RPS6KA5: variants seen among roughly 807,000 people sequenced by gnomAD.
RPS6KA5 encodes the protein ribosomal protein S6 kinase A5.
A neutral mutation model predicts 85.5 loss-of-function variants in RPS6KA5; 27 were observed. The observed-to-expected ratio is 0.32, with a 90% confidence interval of 0.23 to 0.44. The LOEUF (loss-of-function observed/expected upper bound fraction) is 0.44. Ranked by LOEUF, RPS6KA5 falls within the 20% of genes least tolerant of loss-of-function variation. RPS6KA5 has a pLI of 1.00. For synonymous variants in RPS6KA5, 334 were observed against 348.2 expected (o/e 0.96, Z 0.46); for missense variants, 811 against 980.9 (o/e 0.83, Z 2.31).
intron 3 of RPS6KA5, among the ~76,000 whole-genome samples, chr14:90,954,507 G>A (rs568992343): frequency 6.6e-5 from 10 of 152,236 alleles, no homozygotes; most frequent in South Asian, 2.1e-4. Flanking sequence ...TCCGCCTCCC[G>A]GGTTCAAGTG....
At chr14:90,962,133 T>C (rs942389466) in intron 3 of RPS6KA5, among the ~76,000 whole-genome samples, 6 of 152,192 alleles carry the variant, frequency 3.9e-5, no homozygotes, top group African/African-American at 1.4e-4. Flanking sequence ...TTACACTGTT[T>C]TGGAAAAATT....
At chr14:91,024,678 G>C (rs1301300109) in intron 1 of RPS6KA5, among the ~76,000 whole-genome samples, 2 of 152,088 alleles carry the variant, frequency 1.3e-5, no homozygotes, top group African/African-American at 4.8e-5. Context: ...CCCTCTAAAT[G>C]CAAGGCTTCT....
intron 3 of RPS6KA5, among the ~76,000 whole-genome samples, chr14:90,977,912 G>A (rs1390784376): frequency 6.6e-6 from 1 of 152,082 alleles, no homozygotes; most frequent in African/African-American, 2.4e-5. Flanking sequence ...AAAATTAGCT[G>A]GGCATGGTGG....
At chr14:91,003,173 G>T (rs11159985) in intron 1 of RPS6KA5, among the ~76,000 whole-genome samples, 3 of 151,610 alleles carry the variant, frequency 2.0e-5, no homozygotes, top group East Asian at 3.9e-4. Context: ...CTTACTATTA[G>T]GAATCCTTTT....
chr14:90,924,877 G>T (rs2036578149), intron 5 of RPS6KA5, among the ~76,000 whole-genome samples: 1 of 152,190 alleles, frequency 6.6e-6, no homozygotes, highest in Non-Finnish European at 1.5e-5. Flanking sequence ...AGACTCTGAT[G>T]AAATAATTCC....
At chr14:90,878,439 C>A (rs933756370) in intron 14 of RPS6KA5, among the ~76,000 whole-genome samples, 17 of 152,182 alleles carry the variant, frequency 1.1e-4, no homozygotes, top group Non-Finnish European at 2.5e-4. Flanking sequence ...TCCTATTTCC[C>A]TGACTCTTGC....
At chr14:91,012,444 A>C (rs2041299653) in intron 1 of RPS6KA5, among the ~76,000 whole-genome samples, 2 of 152,158 alleles carry the variant, frequency 1.3e-5, no homozygotes, top group South Asian at 4.2e-4. Context: ...AACACTAGCT[A>C]CTCTCATTTT....
At position 90,920,229 on chromosome 14, in the gene RPS6KA5, T is replaced by C; in HGVS notation, c.783A>G (p.Lys261=). The C allele has an allele frequency of 6.2e-7, 1 of 1,610,466 alleles. No homozygotes were observed. Among genetic ancestry groups the C allele is most frequent in the African/African-American group, 1.3e-5 (1 of 74,964 alleles). The change falls in exon 7 of 17, where the codon AAA becomes AAG. Residue 261 remains lysine, a synonymous_variant. Coordinates refer to ENST00000614987, the MANE Select transcript of RPS6KA5 (RefSeq NM_004755.4). ...GASPFTVDGE[K]NSQAEISRRI... is the part of the protein sequence containing the mutation. ...ACCTAGATATCTCAGCTTGGGAATT[T>C]TTTTCTCCATCAACAGTGAAAGGAG...
chr14:91,019,528 CAG>C (rs1431378137), intron 1 of RPS6KA5, among the ~76,000 whole-genome samples: 1 of 152,192 alleles, frequency 6.6e-6, no homozygotes, highest in African/African-American at 2.4e-5. Context: ...GGCCACCATG[CAG>C]AGTTTGGACC....
intron 5 of RPS6KA5, among the ~76,000 whole-genome samples, chr14:90,937,188 A>T (rs2037304635): frequency 6.6e-6 from 1 of 152,098 alleles, no homozygotes; most frequent in South Asian, 2.1e-4. Context: ...GTTCAGTACT[A>T]CCAGGCAGTC....
chr14:90,966,793 A>C (rs1011734613), intron 3 of RPS6KA5, among the ~76,000 whole-genome samples: 2 of 152,230 alleles, frequency 1.3e-5, no homozygotes, highest in Non-Finnish European at 2.9e-5. Context: ...CCGTAGCCAC[A>C]TAAGTATTAA....
At chr14:90,919,157 G>C (rs1438644340) in intron 7 of RPS6KA5, among the ~76,000 whole-genome samples, 1 of 152,020 alleles carries the variant, frequency 6.6e-6, no homozygotes, top group Non-Finnish European at 1.5e-5. Flanking sequence ...CCCATACTCT[G>C]GCCTGCAAAC....
In RPS6KA5 at chr14:90,888,548, A is replaced by G. The variant is rs550921958; in HGVS notation, c.1836+1939T>C. Among the ~76,000 whole-genome samples, 4 of 151,998 alleles carry G rather than the reference A, an allele frequency of 2.6e-5. No individual in the cohort carries two copies. The South Asian group carries it at 8.3e-4, about 32-fold the overall frequency. On this transcript the variant is annotated intron_variant, in intron 14 of 16. Coordinates refer to ENST00000614987, the MANE Select transcript of RPS6KA5 (RefSeq NM_004755.4). ...AATTATAAATGATGACTGAAAACCGATGAGATAAAAACTATATAAAACTTA... is the reference window on the plus strand; with the variant it reads ...AATTATAAATGATGACTGAAAACCGGTGAGATAAAAACTATATAAAACTTA...
chr14:90,875,074 C>T, intron 15 of RPS6KA5, 127 bp downstream of exon 15: 2 of 883,982 alleles, frequency 2.3e-6, no homozygotes, highest in Non-Finnish European at 3.5e-6. Flanking sequence ...AAGAGAGTAG[C>T]CTGGAAGCCT....
rs1460629839 is a variant in RPS6KA5, at chr14:90,860,580, C to CA, written c.*11493dup. Reference sequence around the variant, plus strand: ...GGTGAACCTAGTATTTCATACAAGGCAAAAATATCCTTCAAAAATAAAGGT... The same window carrying CA: ...GGTGAACCTAGTATTTCATACAAGGCAAAAAATATCCTTCAAAAATAAAGGT... On this transcript the variant is annotated 3_prime_UTR_variant, in exon 17 of 17. Coordinates refer to ENST00000614987, the MANE Select transcript of RPS6KA5 (RefSeq NM_004755.4). The CA allele has an allele frequency of 1.3e-5, 2 of 151,764 alleles. No individual in the cohort carries two copies. The highest frequency in any genetic ancestry group is 4.8e-5 in the African/African-American group (2 of 41,320). 9.4% of individuals were successfully genotyped at this position (151,764 alleles called of 1,614,324 possible).
At chr14:91,059,742 A>G (rs1041047890) in intron 1 of RPS6KA5, among the ~76,000 whole-genome samples, 5 of 152,206 alleles carry the variant, frequency 3.3e-5, no homozygotes, top group Non-Finnish European at 5.9e-5. Context: ...GTATTTCATG[A>G]TAAGTGAGAA....
chr14:91,055,556 G>C (rs1013507677), intron 1 of RPS6KA5, among the ~76,000 whole-genome samples: 17 of 152,324 alleles, frequency 1.1e-4, no homozygotes, highest in Middle Eastern at 6.8e-3. Flanking sequence ...CAGGTGGGAT[G>C]ATCTCTTGAG....
rs142030052 is a variant in RPS6KA5, at chr14:91,046,141, A to ATT, written c.103+14189_103+14190dup. Among the ~76,000 whole-genome samples the ATT allele has an allele frequency of 7.3e-3, 1,116 of 152,246 alleles. 9 individuals carry two copies. The highest frequency in any genetic ancestry group is 0.027 in the Middle Eastern group (8 of 294). On this transcript the variant is annotated intron_variant, in intron 1 of 16. Coordinates refer to ENST00000614987, the MANE Select transcript of RPS6KA5 (RefSeq NM_004755.4). ...CATAATCGCAATCATAGGGTTAGTTATTTAGTGATTATGTATTTAAGGTCT... is the reference window on the plus strand; with the variant it reads ...CATAATCGCAATCATAGGGTTAGTTATTTTTAGTGATTATGTATTTAAGGTCT...
chr14:90,894,504 T>A lies in RPS6KA5; in HGVS notation c.1553A>T (p.Glu518Val). ...CCTCATGATGTAGCTGGCTTCCGTC[T>A]CACTGAAGTGCTTCTTTTTCTTAAT... ...ERIKKKKHFS[E>V]TEASYIMRKL... The change falls in exon 13 of 17, where the codon GAG becomes GTG. Residue 518 changes from glutamate to valine, a missense_variant. Coordinates refer to ENST00000614987, the MANE Select transcript of RPS6KA5 (RefSeq NM_004755.4). 6.2e-7 allele frequency: 1 copy of A among 1,614,170 alleles called. No individual in the cohort carries two copies. Among genetic ancestry groups the A allele is most frequent in the Non-Finnish European group, 8.5e-7 (1 of 1,180,032 alleles).
Sources: allele counts gnomAD v4.1 joint callset (sites outside exome capture counted in the v4.1 genomes callset), GRCh38; gene constraint gnomAD v4.1.1; transcripts MANE v1.5; gene names NCBI Gene and HGNC (gene_info 2026-07-23, HGNC 2026-07-21).